The following ITSN1 variants were observed in gnomAD, a reference collection of about 807,000 sequenced individuals.
ITSN1 encodes intersectin-1.
In ITSN1, 58 loss-of-function variants were observed where a neutral mutation model predicts 239.8. The ratio of observed to expected loss-of-function variants is 0.24; its 90% CI spans 0.20 to 0.30. The LOEUF is 0.30. ITSN1 is among the 10% of genes least tolerant of loss of function. The pLI is 1.00. For missense variants in ITSN1, 1,558 were observed against 2,103.3 expected, an observed-to-expected ratio of 0.74 and a Z score of 5.07; for synonymous variants, 780 against 770.8, an observed-to-expected ratio of 1.01 and a Z score of -0.20.
At chr21:33,670,607 C>T (rs2090207682) in intron 1 of ITSN1, among the ~76,000 whole-genome samples, 1 of 152,146 alleles carries the variant, frequency 6.6e-6, no homozygotes, top group South Asian at 2.1e-4. Context: ...TGCATACATG[C>T]ATGAATCATT....
At chr21:33,730,219 T>C (rs2066087085) in intron 4 of ITSN1, among the ~76,000 whole-genome samples, 1 of 151,998 alleles carries the variant, frequency 6.6e-6, no homozygotes, top group Non-Finnish European at 1.5e-5. Context: ...TCACTCCCTC[T>C]TCTATCCCTT....
intron 16 of ITSN1, among the ~76,000 whole-genome samples, chr21:33,782,930 C>T (rs1043076304): frequency 1.3e-5 from 2 of 151,970 alleles, no homozygotes; most frequent in Non-Finnish European, 2.9e-5. Flanking sequence ...GAGGCTGAGG[C>T]AGGAGAATGA....
At chr21:33,731,926 G>A (rs945728386) in intron 4 of ITSN1, among the ~76,000 whole-genome samples, 2 of 152,160 alleles carry the variant, frequency 1.3e-5, no homozygotes, top group African/African-American at 4.8e-5. Flanking sequence ...TTTGCCCAAG[G>A]TGGTTGGTAT....
In ITSN1 at chr21:33,893,444, GC is replaced by G. The variant is rs1986497739; in HGVS notation, c.*5146del. ...GTCTCTACTAAAAATACAAAAATTA[GC>G]CAGGGGTGGTGGCAGGCACCTGTAA... On this transcript the variant is annotated 3_prime_UTR_variant, in exon 40 of 40. Coordinates refer to ENST00000381318, the MANE Select transcript of ITSN1 (RefSeq NM_003024.3). 1 of 152,178 alleles carries G rather than the reference GC, an allele frequency of 6.6e-6. No homozygotes were observed. The highest frequency in any genetic ancestry group is 6.5e-5 in the Admixed American group (1 of 15,280). 9.4% of individuals were successfully genotyped at this position (152,178 alleles called of 1,614,324 possible).
Position 33,710,109 on chromosome 21 carries a change from C to T in ITSN1, c.-32-8688C>T, listed in dbSNP as rs185191647. Among the ~76,000 whole-genome samples, 409 of 143,288 alleles carry T rather than the reference C, an allele frequency of 2.9e-3. 2 individuals carry two copies. Among genetic ancestry groups the T allele is most frequent in the African/African-American group, 9.9e-3 (380 of 38,338 alleles). 94.0% of individuals were successfully genotyped at this position (143,288 alleles called of 152,430 possible). On this transcript the variant is annotated intron_variant, in intron 1 of 39. Transcript: ENST00000381318. ...TTTTTTTTTTTTTGAGACAGAGTCT[C>T]GCTTTGTCACCCGGGCTGGAGTGCA...
chr21:33,875,604 A>C, intron 34 of ITSN1, 83 bp downstream of exon 34: 4 of 1,327,590 alleles, frequency 3.0e-6, no homozygotes, highest in East Asian at 4.8e-5. Flanking sequence ...AAAAGCATGA[A>C]CCATTCTCCT....
chr21:33,774,233 A>G (rs1180061659), intron 12 of ITSN1: 4 of 156,684 alleles, frequency 2.6e-5, no homozygotes, highest in African/African-American at 9.6e-5. Flanking sequence ...TGGAGGGAGC[A>G]AAAGCTTTTG....
chr21:33,700,443 T>C (rs1191835339), intron 1 of ITSN1, among the ~76,000 whole-genome samples: 1 of 152,176 alleles, frequency 6.6e-6, no homozygotes, highest in Non-Finnish European at 1.5e-5. Context: ...CTCTGGCCTC[T>C]AATACCTTCT....
chr21:33,871,372 A>C (rs1357635867), intron 33 of ITSN1, among the ~76,000 whole-genome samples: 1 of 150,818 alleles, frequency 6.6e-6, no homozygotes, highest in African/African-American at 2.4e-5. Flanking sequence ...GAAGAGGGGA[A>C]AGAGCTATGA....
chr21:33,822,237 CTGTT>C (rs923459502), intron 24 of ITSN1, among the ~76,000 whole-genome samples: 4 of 152,166 alleles, frequency 2.6e-5, no homozygotes, highest in African/African-American at 9.7e-5. Context: ...GTGTTTTTGT[CTGTT>C]TGTTTTAGTT....
At chr21:33,871,229 A>G (rs1982661788) in intron 33 of ITSN1, among the ~76,000 whole-genome samples, 1 of 152,148 alleles carries the variant, frequency 6.6e-6, no homozygotes, top group African/African-American at 2.4e-5. Context: ...GATCTGTACT[A>G]TGAAAATATT....
intron 1 of ITSN1, among the ~76,000 whole-genome samples, chr21:33,712,307 C>T (rs1011901811): frequency 6.6e-6 from 1 of 152,136 alleles, no homozygotes; most frequent in African/African-American, 2.4e-5. Flanking sequence ...TGTTGTAATC[C>T]TCTGCAGAAT....
chr21:33,793,753 G>A (rs1400072767), intron 16 of ITSN1, among the ~76,000 whole-genome samples: 1 of 152,154 alleles, frequency 6.6e-6, no homozygotes, highest in African/African-American at 2.4e-5. Context: ...GCGACTTGAA[G>A]GATAGATTTA....
chr21:33,823,663 C>T lies in ITSN1; in HGVS notation c.3183+10C>T. 6.2e-7 allele frequency: 1 copy of T among 1,608,518 alleles called. No homozygotes were observed. Among genetic ancestry groups the T allele is most frequent in the Non-Finnish European group, 8.5e-7 (1 of 1,177,118 alleles). ...GCTTAAAGATTCAGAGGTAAACCCA[C>T]ATTAACTGTTTCCTCTCCCTTTCTG... On this transcript the variant is annotated intron_variant, in intron 25 of 39. Transcript: ENST00000381318.
At chr21:33,648,050 C>G (rs1026614737) in intron 1 of ITSN1, among the ~76,000 whole-genome samples, 1 of 152,194 alleles carries the variant, frequency 6.6e-6, no homozygotes, top group East Asian at 1.9e-4. Flanking sequence ...TATACTCTTA[C>G]CATGGTATAT....
chr21:33,713,407 T>A (rs2146985742), intron 1 of ITSN1, among the ~76,000 whole-genome samples: 1 of 151,768 alleles, frequency 6.6e-6, no homozygotes, highest in South Asian at 2.1e-4. Context: ...GCCTGGCTAA[T>A]TTTTTTTGGT....
In ITSN1 at chr21:33,775,065, A is replaced by T. The variant is rs757148859; in HGVS notation, c.1553A>T (p.Glu518Val). The T allele has an allele frequency of 2.2e-5, 35 of 1,614,018 alleles. No individual in the cohort carries two copies. The highest frequency in any genetic ancestry group is 2.8e-5 in the Non-Finnish European group (33 of 1,179,974). ...ATTGAGAGCACAAACAAATCTAGAG[A>T]GTTGAGAATTGCCGAAATCACCCAT... ...QEIESTNKSR[E>V]LRIAEITHLQ... Residue 518 changes from glutamate to valine, a missense_variant, in exon 14 of 40, where the codon GAG becomes GTG. This residue lies in a region of ITSN1 where 982 missense variants were observed against 1,209.9 expected (regional missense o/e 0.81). Transcript: ENST00000381318.
chr21:33,876,286 C>T (rs926576948), intron 34 of ITSN1, among the ~76,000 whole-genome samples: 3 of 128,118 alleles, frequency 2.3e-5, no homozygotes, highest in East Asian at 2.5e-4. Flanking sequence ...CTCTTTCTTT[C>T]CTTCTCTCTC....
At chr21:33,662,779 G>A (rs762922236) in intron 1 of ITSN1, among the ~76,000 whole-genome samples, 15 of 152,118 alleles carry the variant, frequency 9.9e-5, no homozygotes, top group Admixed American at 2.0e-4. Flanking sequence ...GTTTCTGCAC[G>A]TACACAGGAT....
Sources: allele counts gnomAD v4.1 joint callset (sites outside exome capture counted in the v4.1 genomes callset), GRCh38; gene constraint gnomAD v4.1.1; regional missense constraint gnomAD v4.1.1; transcripts MANE v1.5; gene names NCBI Gene and HGNC (gene_info 2026-07-23, HGNC 2026-07-21).